Variants in ADAMTS12 observed in about 807,000 individuals in gnomAD.
ADAMTS12 encodes ADAM metallopeptidase with thrombospondin type 1 motif 12.
Under a neutral mutation model 167.8 loss-of-function variants are expected in ADAMTS12, and 118 were observed. That is an observed-to-expected ratio of 0.70 (90% CI 0.61 to 0.82). The LOEUF is 0.82. ADAMTS12 is among the 40% of genes least tolerant of loss of function. The probability of loss-of-function intolerance (pLI) is 0.00; values close to 1 mark genes in which losing one functional copy is unlikely to be tolerated. For synonymous variants in ADAMTS12, 704 were observed against 716.9 expected (o/e 0.98, Z 0.29); for missense variants, 1,916 against 1,998.8 (o/e 0.96, Z 0.79).
intron 2 of ADAMTS12, among the ~76,000 whole-genome samples, chr5:33,776,756 TAGA>T (rs1474180798): frequency 2.0e-5 from 3 of 151,506 alleles, no homozygotes; most frequent in African/African-American, 7.3e-5. Flanking sequence ...AGAAAATTAA[TAGA>T]AGATAAATAA....
chr5:33,874,222 C>G (rs1750143363), intron 2 of ADAMTS12, among the ~76,000 whole-genome samples: 1 of 152,092 alleles, frequency 6.6e-6, no homozygotes, highest in Admixed American at 6.5e-5. Flanking sequence ...TCTTAATACT[C>G]AACAATAAGG....
rs539845590 is a variant in ADAMTS12 at position 33,711,495 on chromosome 5, C to G, written c.635-27440G>C. ...AGCTGGCCCTGTCAGGTCTCACACC[C>G]CAGGGGACACACAGCACAAACAGAT... On this transcript the variant is annotated intron_variant, in intron 3 of 23. Transcript: ENST00000504830. 9.2e-5 allele frequency among the ~76,000 whole-genome samples: 14 copies of G among 152,198 alleles called. No individual in the cohort carries two copies. The East Asian group carries it at 9.7e-4, about 11-fold the overall frequency.
At chr5:33,804,554 T>G (rs958684160) in intron 2 of ADAMTS12, among the ~76,000 whole-genome samples, 3 of 152,218 alleles carry the variant, frequency 2.0e-5, no homozygotes, top group Non-Finnish European at 4.4e-5. Context: ...CACTGAGTTT[T>G]AGAGTGGCAT....
chr5:33,888,941 T>C (rs192736757), intron 1 of ADAMTS12, among the ~76,000 whole-genome samples: 4 of 152,350 alleles, frequency 2.6e-5, no homozygotes, highest in Admixed American at 2.6e-4. Context: ...GGACTGGATT[T>C]ATCTCCATAC....
chr5:33,655,628 T>TATTTAATTTA (rs1554032472), intron 7 of ADAMTS12, among the ~76,000 whole-genome samples: 21,549 of 145,470 alleles, frequency 0.15, 1,761 homozygotes, highest in South Asian at 0.34. Flanking sequence ...TAGTTTTATT[T>TATTTAATTTA]ATTTAATTTA....
chr5:33,804,115 T>C (rs1465874630), intron 2 of ADAMTS12, among the ~76,000 whole-genome samples: 4 of 152,174 alleles, frequency 2.6e-5, no homozygotes, highest in Non-Finnish European at 5.9e-5. Context: ...GGATAATGTA[T>C]GTGGGTGAGG....
At chr5:33,528,861 A>G (rs1450972383) in intron 23 of ADAMTS12, among the ~76,000 whole-genome samples, 1 of 152,280 alleles carries the variant, frequency 6.6e-6, no homozygotes, top group African/African-American at 2.4e-5. Context: ...TCTAGCCAAC[A>G]TGGTGAAACC....
chr5:33,620,130 G>C (rs1739239387), intron 14 of ADAMTS12, among the ~76,000 whole-genome samples: 1 of 152,210 alleles, frequency 6.6e-6, no homozygotes. Flanking sequence ...GTACCTGCTG[G>C]CATAGCTGTA....
intron 17 of ADAMTS12, among the ~76,000 whole-genome samples, chr5:33,594,609 C>G (rs573436743): frequency 6.6e-6 from 1 of 152,258 alleles, no homozygotes; most frequent in African/African-American, 2.4e-5. Flanking sequence ...CTAGTGCTAG[C>G]CTTATCTTCC....
intron 9 of ADAMTS12, among the ~76,000 whole-genome samples, chr5:33,647,687 T>G (rs1740726292): frequency 6.6e-6 from 1 of 152,154 alleles, no homozygotes; most frequent in Non-Finnish European, 1.5e-5. Flanking sequence ...GCCAAGATCA[T>G]GCCACTGCAC....
rs1743689576 is a variant in ADAMTS12 at position 33,523,885 on chromosome 5, CTG to C, written c.*3301_*3302del. 1 of 152,196 alleles carries C rather than the reference CTG, an allele frequency of 6.6e-6. No homozygotes were observed. Among genetic ancestry groups the C allele is most frequent in the South Asian group, 2.1e-4 (1 of 4,826 alleles). The allele number at this position is 152,196 out of a possible 1,614,324, so 9.4% of individuals were successfully genotyped here. ...TGGCCTCTCCTTCAAAAGTGAATCA[CTG>C]TGGACCAAGCACCAGAAACATCGTC... On this transcript the variant is annotated 3_prime_UTR_variant, in exon 24 of 24. Coordinates refer to ENST00000504830, the MANE Select transcript of ADAMTS12 (RefSeq NM_030955.4).
intron 2 of ADAMTS12, among the ~76,000 whole-genome samples, chr5:33,780,750 C>T (rs904827510): frequency 3.9e-5 from 6 of 152,174 alleles, no homozygotes; most frequent in Non-Finnish European, 8.8e-5. Flanking sequence ...CCTCATCCCA[C>T]TGGGTCAAGC....
At position 33,581,380 on chromosome 5, in the gene ADAMTS12, C is replaced by G. The variant is rs369509175; in HGVS notation, c.2866-4220G>C. The stretch of plus-strand genomic sequence containing the variant: ...CACTTATCACCATCCTGGATACAGG[C>G]CTCTTGTCGGGGAACCCACTGAGAA... On this transcript the variant is annotated intron_variant, in intron 18 of 23. Transcript: ENST00000504830. Among the ~76,000 whole-genome samples the G allele has an allele frequency of 1.4e-3, 214 of 152,268 alleles. 1 individual carries two copies. Among genetic ancestry groups the G allele is most frequent in the African/African-American group, 5.1e-3 (210 of 41,552 alleles).
At chr5:33,788,432 G>A (rs1470382284) in intron 2 of ADAMTS12, among the ~76,000 whole-genome samples, 1 of 152,162 alleles carries the variant, frequency 6.6e-6, no homozygotes, top group East Asian at 1.9e-4. Context: ...AAGGTAAGGG[G>A]AGGAGATGGG....
chr5:33,659,971 G>A (rs530722895), intron 6 of ADAMTS12, among the ~76,000 whole-genome samples: 3 of 152,200 alleles, frequency 2.0e-5, no homozygotes, highest in African/African-American at 7.2e-5. Flanking sequence ...AGTTTCAGCT[G>A]TCAGAGCTTG....
intron 23 of ADAMTS12, among the ~76,000 whole-genome samples, chr5:33,532,355 A>G (rs1278634328): frequency 1.3e-5 from 2 of 152,142 alleles, no homozygotes; most frequent in Non-Finnish European, 2.9e-5. Flanking sequence ...GATCAATAAT[A>G]TTTTGTTGAA....
chr5:33,594,576 A>G (rs979935796), intron 17 of ADAMTS12, among the ~76,000 whole-genome samples: 2 of 152,156 alleles, frequency 1.3e-5, no homozygotes, highest in African/African-American at 2.4e-5. Flanking sequence ...AGAAAGTAAC[A>G]TAACTGCAAT....
chr5:33,769,134 G>A (rs577540009), intron 2 of ADAMTS12, among the ~76,000 whole-genome samples: 5 of 152,078 alleles, frequency 3.3e-5, no homozygotes, highest in Admixed American at 6.6e-5. Context: ...GAGAAATGGG[G>A]CAAGTGACCT....
intron 3 of ADAMTS12, among the ~76,000 whole-genome samples, chr5:33,714,422 C>T (rs1209485360): frequency 3.3e-5 from 5 of 152,046 alleles, no homozygotes; most frequent in Non-Finnish European, 4.4e-5. Context: ...ATAGAACTAC[C>T]GTATGATCCA....
Sources: gnomAD v4.1 joint callset for allele counts (sites outside exome capture counted in the v4.1 genomes callset) on GRCh38, gnomAD v4.1.1 for gene constraint, MANE v1.5 for transcripts, NCBI Gene and HGNC (gene_info 2026-07-23, HGNC 2026-07-21) for gene names.